PRDM6: variants seen among roughly 807,000 people sequenced by gnomAD.
PRDM6 encodes putative histone-lysine N-methyltransferase PRDM6.
Under a neutral mutation model 60.8 loss-of-function variants are expected in PRDM6, and 25 were observed. The ratio of observed to expected loss-of-function variants is 0.41; its 90% CI spans 0.30 to 0.57. The LOEUF is 0.57. Ranked by LOEUF, PRDM6 falls within the 20% of genes least tolerant of loss-of-function variation. The pLI is 0.27. For missense variants in PRDM6, 839 were observed against 821.3 expected (o/e 1.02, Z -0.26); for synonymous variants, 407 against 357.4 (o/e 1.14, Z -1.57).
At chr5:123,107,315 T>A (rs1221369284) in intron 3 of PRDM6, among the ~76,000 whole-genome samples, 2 of 152,272 alleles carry the variant, frequency 1.3e-5, no homozygotes, top group East Asian at 3.8e-4. Flanking sequence ...ATCCAACAGA[T>A]ATATTGTGGA....
In PRDM6 at chr5:123,166,275, A is replaced by C. The variant is rs1290090906; in HGVS notation, c.1154-4491A>C. Among the ~76,000 whole-genome samples, 7 of 152,294 alleles carry C rather than the reference A, an allele frequency of 4.6e-5. No individual in the cohort carries two copies. In the East Asian group the frequency reaches 7.7e-4, roughly 17 times the overall value. On this transcript the variant is annotated intron_variant, in intron 5 of 7. Coordinates refer to ENST00000407847, the MANE Select transcript of PRDM6 (RefSeq NM_001136239.4). ...ACAAGACTCTATGGCAAAGCTGCCG[A>C]TATTCCATCTTTTTGCATTGCCTTT...
chr5:123,168,413 T>C (rs1004373105), intron 5 of PRDM6, among the ~76,000 whole-genome samples: 8 of 152,186 alleles, frequency 5.3e-5, no homozygotes, highest in Non-Finnish European at 1.2e-4. Context: ...TTCTGTCTTA[T>C]AAGTCTGAAA....
chr5:123,186,455 G>T (rs940330712), intron 7 of PRDM6, among the ~76,000 whole-genome samples: 1 of 152,132 alleles, frequency 6.6e-6, no homozygotes, highest in Non-Finnish European at 1.5e-5. Flanking sequence ...CTTAATTCTA[G>T]CCCATAGGTA....
intron 2 of PRDM6, among the ~76,000 whole-genome samples, chr5:123,098,411 G>A (rs1207318729): frequency 6.6e-6 from 1 of 152,242 alleles, no homozygotes; most frequent in Non-Finnish European, 1.5e-5. Flanking sequence ...CCACCTTCTC[G>A]GGGCAGGCCA....
intron 2 of PRDM6, among the ~76,000 whole-genome samples, chr5:123,095,385 C>G (rs1195678440): frequency 6.6e-6 from 1 of 152,238 alleles, no homozygotes; most frequent in Non-Finnish European, 1.5e-5. Flanking sequence ...GCCTATAGCT[C>G]GAGAAGGCAG....
chr5:123,119,841 T>G (rs1043151820), intron 3 of PRDM6, among the ~76,000 whole-genome samples: 5 of 152,238 alleles, frequency 3.3e-5, no homozygotes, highest in Admixed American at 1.3e-4. Flanking sequence ...ACAGTCAAGC[T>G]AAGTAGACGC....
intron 3 of PRDM6, among the ~76,000 whole-genome samples, chr5:123,137,830 G>C (rs919436251): frequency 1.3e-5 from 2 of 152,098 alleles, no homozygotes; most frequent in African/African-American, 4.8e-5. Context: ...ACAGAAAAGT[G>C]TTCTTAATAT....
rs1764061998 is a variant in PRDM6, at chr5:123,099,972, G to A, written c.900+11G>A. The A allele has an allele frequency of 1.3e-6, 2 of 1,493,702 alleles. No homozygotes were observed. The highest frequency in any genetic ancestry group is 2.1e-5 in the Admixed American group (1 of 47,110). 92.5% of individuals were successfully genotyped at this position (1,493,702 alleles called of 1,614,324 possible). ...CAGCATCTCTGGGAGGTAAGTGGCC[G>A]GCTGCACAGCGCCTCCCCACCGAGC... On this transcript the variant is annotated intron_variant, in intron 3 of 7. Transcript: ENST00000407847. The surrounding 1 kb of genome is among the most constrained non-coding windows in gnomAD (Gnocchi z 4.0).
chr5:123,145,452 A>C (rs1765217890), intron 3 of PRDM6, among the ~76,000 whole-genome samples: 1 of 152,212 alleles, frequency 6.6e-6, no homozygotes. Context: ...TCAGAGGTCT[A>C]AATTCAAGAC....
At chr5:123,175,673 C>T (rs1413835356) in intron 6 of PRDM6, among the ~76,000 whole-genome samples, 3 of 152,194 alleles carry the variant, frequency 2.0e-5, no homozygotes, top group Non-Finnish European at 4.4e-5. Context: ...GAGAGATTTG[C>T]ACTTGGGCTG....
At chr5:123,102,707 A>G (rs1262396563) in intron 3 of PRDM6, among the ~76,000 whole-genome samples, 1 of 152,126 alleles carries the variant, frequency 6.6e-6, no homozygotes, top group Non-Finnish European at 1.5e-5. Flanking sequence ...CATTTTTTCA[A>G]GTCATTTGCT....
At chr5:123,119,362 C>G (rs867695324) in intron 3 of PRDM6, among the ~76,000 whole-genome samples, 93 of 152,116 alleles carry the variant, frequency 6.1e-4, no homozygotes, top group Non-Finnish European at 2.6e-4. Context: ...AAAATGATGA[C>G]AGTTTCTGAG....
At chr5:123,127,812 A>G (rs1313725190) in intron 3 of PRDM6, among the ~76,000 whole-genome samples, 1 of 143,702 alleles carries the variant, frequency 7.0e-6, no homozygotes, top group Non-Finnish European at 1.5e-5. Context: ...GTACATGTGC[A>G]TAACGTGCAG....
chr5:123,132,317 A>C (rs1218768453), intron 3 of PRDM6, among the ~76,000 whole-genome samples: 1 of 152,130 alleles, frequency 6.6e-6, no homozygotes, highest in East Asian at 1.9e-4. Context: ...AATTATTCCT[A>C]GTTGTAATTA....
intron 3 of PRDM6, among the ~76,000 whole-genome samples, chr5:123,127,386 T>C (rs1764717163): frequency 6.6e-6 from 1 of 152,146 alleles, no homozygotes; most frequent in South Asian, 2.1e-4. Context: ...ATTGGGAAAA[T>C]ATAACAGTTG....
Position 123,155,872 on chromosome 5 carries a change from C to A in PRDM6, c.901-12C>A. ...TCGTTCTAACTACTTGACCTTCTGA[C>A]CTCTTCTCCAGATATATGACCAGGA... On this transcript the variant is annotated splice_polypyrimidine_tract_variant and intron_variant, in intron 3 of 7. Transcript: ENST00000407847. 6.5e-7 allele frequency: 1 copy of A among 1,549,374 alleles called. No individual in the cohort carries two copies.
At chr5:123,094,977 G>T (rs1194129411) in intron 2 of PRDM6, among the ~76,000 whole-genome samples, 1 of 152,264 alleles carries the variant, frequency 6.6e-6, no homozygotes, top group African/African-American at 2.4e-5. Flanking sequence ...AGGCAGGGCA[G>T]AGAACGCCCA....
At chr5:123,119,213 A>T (rs1296853731) in intron 3 of PRDM6, among the ~76,000 whole-genome samples, 2 of 152,224 alleles carry the variant, frequency 1.3e-5, no homozygotes, top group African/African-American at 4.8e-5. Flanking sequence ...CGACATCCAA[A>T]CTAATAAGAA....
At chr5:123,136,004 A>G (rs111762031) in intron 3 of PRDM6, among the ~76,000 whole-genome samples, 122 of 152,284 alleles carry the variant, frequency 8.0e-4, no homozygotes, top group Non-Finnish European at 1.4e-3. Flanking sequence ...AAGTATGAAA[A>G]TTTTATTTGC....
Sources: gnomAD v4.1 joint callset for allele counts (sites outside exome capture counted in the v4.1 genomes callset) on GRCh38, gnomAD v4.1.1 for gene constraint, Gnocchi (gnomAD v3.1) non-coding constraint, MANE v1.5 for transcripts, NCBI Gene and HGNC (gene_info 2026-07-23, HGNC 2026-07-21) for gene names.